SMURF1: variants seen among roughly 807,000 people sequenced by gnomAD.
The protein encoded by SMURF1 is E3 ubiquitin-protein ligase SMURF1.
In SMURF1, 44 loss-of-function variants were observed where a neutral mutation model predicts 98.0. The observed-to-expected ratio is 0.45, with a 90% CI of 0.35 to 0.58. The LOEUF is 0.58. Ranked by LOEUF, SMURF1 falls within the 20% of genes least tolerant of loss-of-function variation. The pLI, the probability that SMURF1 is intolerant of heterozygous loss-of-function variation, is 0.00. For synonymous variants in SMURF1, 396 were observed against 374.9 expected, an observed-to-expected ratio of 1.06 and a Z score of -0.65; for missense variants, 687 against 938.4, an observed-to-expected ratio of 0.73 and a Z score of 3.50.
At chr7:99,143,476 G>T (rs1160793048) in intron 1 of SMURF1, among the ~76,000 whole-genome samples, 1 of 140,728 alleles carries the variant, frequency 7.1e-6, no homozygotes, top group East Asian at 2.2e-4. Context: ...ACGGAGATGC[G>T]AGGGGGCAGG....
chr7:99,049,408 A>G, intron 9 of SMURF1, 155 bp downstream of exon 9: 3 of 790,238 alleles, frequency 3.8e-6, no homozygotes, highest in Non-Finnish European at 6.0e-6. Context: ...TTAAGAGTTT[A>G]AAATATGCAA....
intron 1 of SMURF1, among the ~76,000 whole-genome samples, chr7:99,127,179 A>C (rs1335936823): frequency 6.6e-6 from 1 of 152,232 alleles, no homozygotes; most frequent in African/African-American, 2.4e-5. Context: ...GGGAACGTTG[A>C]CGAGCACAGG....
chr7:99,137,117 T>A (rs931120288), intron 1 of SMURF1, among the ~76,000 whole-genome samples: 2 of 152,246 alleles, frequency 1.3e-5, no homozygotes, highest in African/African-American at 4.8e-5. Context: ...TTTCCATGTT[T>A]ATTAACCGGT....
chr7:99,035,931 A>G (rs979402654), intron 15 of SMURF1: 3 of 584,604 alleles, frequency 5.1e-6, no homozygotes, highest in Non-Finnish European at 3.0e-6. Flanking sequence ...TCCAACCCCA[A>G]GGACCGCGGT....
At chr7:99,044,201 A>G in intron 11 of SMURF1, among the ~76,000 whole-genome samples, 1 of 152,064 alleles carries the variant, frequency 6.6e-6, no homozygotes, top group East Asian at 1.9e-4. Context: ...AATCCCAGCT[A>G]CTCAGGGGGC....
At chr7:99,061,272 T>C (rs888427952) in intron 2 of SMURF1, among the ~76,000 whole-genome samples, 1 of 152,206 alleles carries the variant, frequency 6.6e-6, no homozygotes. Context: ...GAAAGATGTC[T>C]TGTGAGGATC....
At chr7:99,030,894 C>T in intron 17 of SMURF1, 1 of 451,844 alleles carries the variant, frequency 2.2e-6, no homozygotes, top group South Asian at 2.7e-5. Context: ...GAGACAGGGT[C>T]TCGCTAGGTT....
At chr7:99,052,821 T>G (rs1414582518) in intron 6 of SMURF1, among the ~76,000 whole-genome samples, 1 of 152,148 alleles carries the variant, frequency 6.6e-6, no homozygotes, top group Non-Finnish European at 1.5e-5. Context: ...ATCCCAACTT[T>G]GGGACGCCGA....
intron 14 of SMURF1, 59 bp from the exon 15 acceptor site, chr7:99,037,246 G>GT (rs898274096): frequency 5.8e-5 from 93 of 1,604,744 alleles, no homozygotes; most frequent in African/African-American, 1.3e-4. Flanking sequence ...CCATGGGCAG[G>GT]TTTTTTTTGG....
At position 99,052,410 on chromosome 7, in the gene SMURF1, G is replaced by A. The variant is rs1795780081; in HGVS notation, c.516C>T (p.Leu172=). 1.9e-6 allele frequency: 3 copies of A among 1,597,456 alleles called. No individual in the cohort carries two copies. The highest frequency in any genetic ancestry group is 2.6e-6 in the Non-Finnish European group (3 of 1,170,518). The change falls in exon 7 of 18, where the codon CTC becomes CTT. Residue 172 remains leucine, a synonymous_variant. Coordinates refer to ENST00000361368, the MANE Select transcript of SMURF1 (RefSeq NM_181349.3). ...VYEDSGPGRP[L]SCFMEEPAPY... Reference sequence around the variant, plus strand: ...GGGCTGGTTCCTCCATGAAGCAGCTGAGCGGCCTCCCAGGCCCGGAGTCTT... The same window carrying A: ...GGGCTGGTTCCTCCATGAAGCAGCTAAGCGGCCTCCCAGGCCCGGAGTCTT...
intron 1 of SMURF1, among the ~76,000 whole-genome samples, chr7:99,091,343 C>T (rs958501080): frequency 6.6e-6 from 1 of 152,168 alleles, no homozygotes; most frequent in South Asian, 2.1e-4. Flanking sequence ...ATAATCACTC[C>T]ACAAGAACAC....
At chr7:99,049,769 A>G in intron 8 of SMURF1, 60 bp from the exon 9 acceptor site, 1 of 1,534,214 alleles carries the variant, frequency 6.5e-7, no homozygotes, top group Non-Finnish European at 8.8e-7. Flanking sequence ...ATGAGACCAA[A>G]AGTCAGCAAC....
Position 99,103,774 on chromosome 7 carries a change from A to G in SMURF1, c.55+39952T>C, listed in dbSNP as rs114228811. Among the ~76,000 whole-genome samples the G allele has an allele frequency of 8.7e-3, 1,331 of 152,346 alleles. 14 individuals carry two copies. The highest frequency in any genetic ancestry group is 0.024 in the Middle Eastern group (7 of 294). ...AAATTGCTTGTCCTGTCTACAATAA[A>G]CACACACAGTAGGACACAAAACTTC... On this transcript the variant is annotated intron_variant, in intron 1 of 17. Transcript: ENST00000361368.
intron 1 of SMURF1, among the ~76,000 whole-genome samples, chr7:99,134,289 T>C (rs1477924976): frequency 1.3e-5 from 2 of 152,120 alleles, no homozygotes; most frequent in African/African-American, 4.8e-5. Flanking sequence ...ACCAGAGTTT[T>C]ACAAGGGACT....
chr7:99,109,459 C>T (rs1259902918), intron 1 of SMURF1, among the ~76,000 whole-genome samples: 1 of 152,184 alleles, frequency 6.6e-6, no homozygotes, highest in Non-Finnish European at 1.5e-5. Flanking sequence ...CACCCACACC[C>T]TCAAACATCT....
intron 14 of SMURF1, among the ~76,000 whole-genome samples, chr7:99,037,491 G>C (rs988812525): frequency 6.6e-6 from 1 of 152,088 alleles, no homozygotes; most frequent in Admixed American, 6.5e-5. Flanking sequence ...CGCCCGCCTC[G>C]GTCTCCCAAA....
At chr7:99,036,956 T>A in intron 15 of SMURF1, 111 bp downstream of exon 15, 1 of 1,539,394 alleles carries the variant, frequency 6.5e-7, no homozygotes, top group Non-Finnish European at 8.9e-7. Flanking sequence ...CCCCAGCAGC[T>A]CCTAGGCTTA....
chr7:99,067,130 G>A (rs1429544186), intron 1 of SMURF1, among the ~76,000 whole-genome samples: 2 of 151,462 alleles, frequency 1.3e-5, no homozygotes, highest in East Asian at 2.0e-4. Flanking sequence ...TGAGTAGCTG[G>A]GATTACAGGC....
chr7:99,067,127 C>G (rs1796213795), intron 1 of SMURF1, among the ~76,000 whole-genome samples: 1 of 151,488 alleles, frequency 6.6e-6, no homozygotes, highest in African/African-American at 2.4e-5. Context: ...TCCTGAGTAG[C>G]TGGGATTACA....
Sources: allele counts gnomAD v4.1 joint callset (sites outside exome capture counted in the v4.1 genomes callset), GRCh38; gene constraint gnomAD v4.1.1; transcripts MANE v1.5; gene names NCBI Gene and HGNC (gene_info 2026-07-23, HGNC 2026-07-21).